NCKAP5: variants seen among roughly 807,000 people sequenced by gnomAD.
NCKAP5 encodes NCK associated protein 5, also known as nck-associated protein 5.
In NCKAP5, 92 loss-of-function variants were observed where a neutral mutation model predicts 167.0. The ratio of observed to expected loss-of-function variants is 0.55; its 90% CI spans 0.47 to 0.66. The LOEUF is 0.66. NCKAP5 is among the 30% of genes least tolerant of loss of function. The probability of loss-of-function intolerance (pLI) is 0.00; values close to 1 mark genes in which losing one functional copy is unlikely to be tolerated. For synonymous variants in NCKAP5, 891 were observed against 877.4 expected (o/e 1.02, Z -0.27); for missense variants, 2,378 against 2,315.0 (o/e 1.03, Z -0.56).
At chr2:133,321,604 A>T (rs1682058186) in intron 3 of NCKAP5, among the ~76,000 whole-genome samples, 1 of 152,236 alleles carries the variant, frequency 6.6e-6, no homozygotes, top group South Asian at 2.1e-4. Context: ...GAAAAGTCAG[A>T]CATGGTAGAA....
intron 5 of NCKAP5, among the ~76,000 whole-genome samples, chr2:133,151,594 G>A (rs1183976658): frequency 6.6e-6 from 1 of 152,140 alleles, no homozygotes; most frequent in Non-Finnish European, 1.5e-5. Context: ...TATTACAATG[G>A]CCAAAATCCA....
chr2:133,019,237 C>T (rs1044050635), intron 6 of NCKAP5, among the ~76,000 whole-genome samples: 6 of 152,186 alleles, frequency 3.9e-5, no homozygotes, highest in South Asian at 2.1e-4. Context: ...GCACTCAATA[C>T]GTTGCAGCTC....
intron 5 of NCKAP5, among the ~76,000 whole-genome samples, chr2:133,147,027 G>A (rs2083222119): frequency 6.6e-6 from 1 of 152,132 alleles, no homozygotes; most frequent in African/African-American, 2.4e-5. Context: ...AGTGACATAA[G>A]TCAATGTACA....
chr2:132,989,514 A>C (rs1174805139), intron 7 of NCKAP5, among the ~76,000 whole-genome samples: 1 of 152,098 alleles, frequency 6.6e-6, no homozygotes, highest in African/African-American at 2.4e-5. Context: ...TCCCTAATGA[A>C]ATGAGTCTAT....
chr2:133,009,539 A>G (rs908184331), intron 6 of NCKAP5, among the ~76,000 whole-genome samples: 3 of 152,198 alleles, frequency 2.0e-5, no homozygotes, highest in Non-Finnish European at 4.4e-5. Context: ...TGTAATATGA[A>G]TAATTGTTTC....
At chr2:132,730,613 T>C (rs1336752051) in intron 17 of NCKAP5, among the ~76,000 whole-genome samples, 2 of 152,236 alleles carry the variant, frequency 1.3e-5, no homozygotes, top group African/African-American at 4.8e-5. Context: ...ACTTGCGGTT[T>C]CTATTCAATT....
At chr2:133,042,176 T>G (rs1033988947) in intron 6 of NCKAP5, among the ~76,000 whole-genome samples, 1 of 152,162 alleles carries the variant, frequency 6.6e-6, no homozygotes, top group Non-Finnish European at 1.5e-5. Context: ...CTTAACTTTA[T>G]GCTAAGCTGT....
At chr2:132,743,379 G>A (rs1401689420) in intron 16 of NCKAP5, among the ~76,000 whole-genome samples, 5 of 151,860 alleles carry the variant, frequency 3.3e-5, no homozygotes, top group Middle Eastern at 3.4e-3. Context: ...TTATTGTGAG[G>A]TTTCTAACAT....
chr2:132,874,103 A>ATTTT (rs4057987), intron 9 of NCKAP5, among the ~76,000 whole-genome samples: 3 of 113,176 alleles, frequency 2.7e-5, no homozygotes, highest in African/African-American at 3.5e-5. Context: ...CAAGACCTTG[A>ATTTT]TTTTTTTTTT....
intron 4 of NCKAP5, among the ~76,000 whole-genome samples, chr2:133,243,543 T>C (rs2087827601): frequency 6.6e-6 from 1 of 152,174 alleles, no homozygotes; most frequent in Admixed American, 6.5e-5. Context: ...TCCCTGCAAC[T>C]ACATAAAATA....
the NCKAP5 span, among the ~76,000 whole-genome samples, chr2:133,578,090 A>C: frequency 2.6e-5 from 4 of 152,356 alleles, no homozygotes; most frequent in East Asian, 3.9e-4. Flanking sequence ...ATCTAAAGGA[A>C]ACAATGTGCT....
intron 6 of NCKAP5, among the ~76,000 whole-genome samples, chr2:133,070,127 G>A (rs1237371796): frequency 1.3e-5 from 2 of 152,078 alleles, no homozygotes; most frequent in Non-Finnish European, 2.9e-5. Context: ...CAATGAGTAG[G>A]AAAAATGTAT....
chr2:133,008,693 G>T (rs1009953654), intron 6 of NCKAP5, among the ~76,000 whole-genome samples: 1 of 152,102 alleles, frequency 6.6e-6, no homozygotes, highest in Non-Finnish European at 1.5e-5. Flanking sequence ...AGGAACACTG[G>T]AGTATGAAAG....
In NCKAP5 at chr2:133,303,094, T is replaced by C; in HGVS notation, c.86A>G (p.Asn29Ser). 4 of 1,589,752 alleles carry C rather than the reference T, an allele frequency of 2.5e-6. No homozygotes were observed. Among genetic ancestry groups the C allele is most frequent in the South Asian group, 1.2e-5 (1 of 86,686 alleles). Residue 29 changes from asparagine to serine, a missense_variant, in exon 4 of 20, where the codon AAT becomes AGT. By Grantham distance (46) the Asn-to-Ser change is conservative. Transcript: ENST00000409261. ...AGTCAGCAGATGCTCAATGTATTTA[T>C]TGGAGTCCATGTATTCCTGCACAAG... ...DSSLVEYMDSNKYIEHLLTQL... is the reference protein window; with the variant it reads ...DSSLVEYMDSSKYIEHLLTQL...
intron 7 of NCKAP5, among the ~76,000 whole-genome samples, chr2:132,978,777 C>T (rs754316480): frequency 2.6e-5 from 4 of 152,198 alleles, no homozygotes; most frequent in South Asian, 2.1e-4. Flanking sequence ...AAGCGGTCCT[C>T]GTCTCTAAGA....
chr2:133,015,488 C>T (rs1029609299), intron 6 of NCKAP5, among the ~76,000 whole-genome samples: 2 of 151,732 alleles, frequency 1.3e-5, no homozygotes, highest in Admixed American at 6.6e-5. Context: ...CTTCCTTGAT[C>T]ACACGGCTCT....
chr2:133,226,977 T>C (rs1177149193), intron 4 of NCKAP5, among the ~76,000 whole-genome samples: 1 of 152,178 alleles, frequency 6.6e-6, no homozygotes, highest in Non-Finnish European at 1.5e-5. Flanking sequence ...CCTGGGAAGA[T>C]ATAATGGGTG....
chr2:133,246,820 G>A (rs1474289976), intron 4 of NCKAP5, among the ~76,000 whole-genome samples: 2 of 152,182 alleles, frequency 1.3e-5, no homozygotes, highest in Non-Finnish European at 2.9e-5. Flanking sequence ...ATGAGGAGAT[G>A]CAGAATAAAT....
intron 6 of NCKAP5, chr2:133,121,937 A>C (rs1242552033): frequency 6.6e-6 from 1 of 152,254 alleles, no homozygotes; most frequent in Non-Finnish European, 1.5e-5. Context: ...AAACATGGAC[A>C]CATCAAAAAA....
Sources: gnomAD v4.1 joint callset for allele counts (sites outside exome capture counted in the v4.1 genomes callset) on GRCh38, gnomAD v4.1.1 for gene constraint, MANE v1.5 for transcripts, NCBI Gene and HGNC (gene_info 2026-07-23, HGNC 2026-07-21) for gene names.